The following CDYL variants were observed in gnomAD, a reference collection of about 807,000 sequenced individuals.
The protein encoded by CDYL is chromodomain Y-like protein.
CDYL carries 8 observed loss-of-function variants against 47.3 expected under a neutral mutation model. The ratio of observed to expected loss-of-function variants is 0.17; its 90% CI spans 0.10 to 0.31. The LOEUF (loss-of-function observed/expected upper bound fraction) is 0.31. Among genes scored for constraint, CDYL ranks in the 10% least tolerant of loss-of-function variants. The pLI is 1.00. For synonymous variants in CDYL, 266 were observed against 265.0 expected (o/e 1.00, Z -0.04); for missense variants, 471 against 701.4 (o/e 0.67, Z 3.71).
chr6:4,782,614 T>A (rs915173193), intron 1 of CDYL, among the ~76,000 whole-genome samples: 5 of 152,206 alleles, frequency 3.3e-5, no homozygotes, highest in Non-Finnish European at 5.9e-5. Context: ...TGAGTCTAGA[T>A]ATGACTTTAA....
intron 2 of CDYL, among the ~76,000 whole-genome samples, chr6:4,917,315 G>A (rs1469569080): frequency 1.3e-5 from 2 of 152,074 alleles, no homozygotes; most frequent in African/African-American, 2.4e-5. Flanking sequence ...CCTTGCTTTG[G>A]CCTCTAGAAA....
At chr6:4,895,079 A>G (rs985552844) in intron 2 of CDYL, among the ~76,000 whole-genome samples, 1 of 57,524 alleles carries the variant, frequency 1.7e-5, no homozygotes, top group East Asian at 8.6e-4. Context: ...ATGTATCTAT[A>G]TGCACATATA....
At chr6:4,839,716 A>T (rs1436368764) in intron 1 of CDYL, among the ~76,000 whole-genome samples, 1 of 152,168 alleles carries the variant, frequency 6.6e-6, no homozygotes, top group East Asian at 1.9e-4. Context: ...TTTGTTGAAG[A>T]TCAGTTGGCT....
At chr6:4,876,194 A>G (rs1449563829) in intron 1 of CDYL, among the ~76,000 whole-genome samples, 1 of 152,214 alleles carries the variant, frequency 6.6e-6, no homozygotes, top group African/African-American at 2.4e-5. Flanking sequence ...AAATGGAATC[A>G]TATTACAAAG....
intron 1 of CDYL, among the ~76,000 whole-genome samples, chr6:4,777,977 A>C (rs1369761258): frequency 6.6e-6 from 1 of 152,234 alleles, no homozygotes; most frequent in Admixed American, 6.5e-5. Context: ...GCTGGTACTG[A>C]AAATGTTCCA....
intron 2 of CDYL, among the ~76,000 whole-genome samples, chr6:4,725,596 C>T (rs914416172): frequency 2.7e-4 from 41 of 152,206 alleles, no homozygotes; most frequent in Non-Finnish European, 4.6e-4. Flanking sequence ...CCGGGGCTTG[C>T]GGGCGGACCT....
At chr6:4,829,551 C>T (rs1760076114) in intron 1 of CDYL, among the ~76,000 whole-genome samples, 1 of 152,204 alleles carries the variant, frequency 6.6e-6, no homozygotes, top group African/African-American at 2.4e-5. Context: ...TGGGCTTGTG[C>T]ATGGCTGTCT....
intron 1 of CDYL, among the ~76,000 whole-genome samples, chr6:4,837,978 A>G (rs1760373735): frequency 6.7e-6 from 1 of 150,058 alleles, no homozygotes; most frequent in African/African-American, 2.5e-5. Context: ...GGGTTTTGCC[A>G]TGTTACCCAG....
rs1027986182 is a variant in CDYL at position 4,890,001 on chromosome 6, G to A, written c.25-1712G>A. On this transcript the variant is annotated intron_variant, in intron 1 of 6. Transcript: ENST00000397588. ...GGAACCAGTGGTACATGGTTAAGGA[G>A]GGAGGGGAAACAAAAGCAGTGTGCT... is the stretch of plus-strand genomic sequence containing the variant. 7.1e-6 allele frequency: 7 copies of A among 985,380 alleles called. No homozygotes were observed. In the East Asian group the frequency reaches 7.9e-4, roughly 112 times the overall value. The allele number at this position is 985,380 out of a possible 1,614,324, so 61.0% of individuals were successfully genotyped here.
chr6:4,880,621 C>T (rs1384373004), intron 1 of CDYL, among the ~76,000 whole-genome samples: 2 of 152,198 alleles, frequency 1.3e-5, no homozygotes, highest in Non-Finnish European at 2.9e-5. Flanking sequence ...AACTGTTGTC[C>T]GAAGTGGCTG....
chr6:4,900,779 G>GTGTGTATACA, intron 2 of CDYL, among the ~76,000 whole-genome samples: 2 of 51,706 alleles, frequency 3.9e-5, no homozygotes, highest in African/African-American at 1.3e-4. Context: ...GTATACGTGT[G>GTGTGTATACA]TATATATATA....
At chr6:4,847,329 G>A (rs964611516) in intron 1 of CDYL, among the ~76,000 whole-genome samples, 1 of 152,194 alleles carries the variant, frequency 6.6e-6, no homozygotes, top group African/African-American at 2.4e-5. Context: ...TAGGTCCCCA[G>A]TGTCCTGTTT....
intron 2 of CDYL, among the ~76,000 whole-genome samples, chr6:4,722,732 C>T (rs1187847656): frequency 6.6e-6 from 1 of 152,134 alleles, no homozygotes; most frequent in African/African-American, 2.4e-5. Flanking sequence ...CAAAAATTAG[C>T]TGGATGTGCA....
chr6:4,893,066 T>C (rs1320615619), intron 2 of CDYL, among the ~76,000 whole-genome samples: 1 of 152,246 alleles, frequency 6.6e-6, no homozygotes, highest in East Asian at 1.9e-4. Context: ...TTCTCCTCAC[T>C]TGCCACACTG....
At chr6:4,717,927 C>T (rs1441736978) in intron 2 of CDYL, among the ~76,000 whole-genome samples, 1 of 151,612 alleles carries the variant, frequency 6.6e-6, no homozygotes, top group Non-Finnish European at 1.5e-5. Flanking sequence ...CTCACAAGAG[C>T]CTCAACCCCC....
At chr6:4,825,448 A>G (rs1359190229) in intron 1 of CDYL, among the ~76,000 whole-genome samples, 4 of 152,178 alleles carry the variant, frequency 2.6e-5, no homozygotes, top group Admixed American at 2.6e-4. Context: ...CCAGTTATAC[A>G]CTTCACAATT....
intron 1 of CDYL, among the ~76,000 whole-genome samples, chr6:4,823,764 A>G (rs180932695): frequency 4.6e-5 from 7 of 152,336 alleles, no homozygotes; most frequent in Admixed American, 3.9e-4. Context: ...CATTATAACA[A>G]TTTGAAATGT....
At chr6:4,746,279 A>T (rs1298525695) in intron 3 of CDYL, among the ~76,000 whole-genome samples, 1 of 150,454 alleles carries the variant, frequency 6.6e-6, no homozygotes, top group Non-Finnish European at 1.5e-5. Context: ...CAGGAGAATC[A>T]CTTGAACCCG....
chr6:4,808,999 A>G (rs983738593), intron 1 of CDYL, among the ~76,000 whole-genome samples: 4 of 151,968 alleles, frequency 2.6e-5, no homozygotes, highest in African/African-American at 9.7e-5. Flanking sequence ...CAGGGTATAC[A>G]CTCAGAAAAG....
Sources: gnomAD v4.1 joint callset for allele counts (sites outside exome capture counted in the v4.1 genomes callset) on GRCh38, gnomAD v4.1.1 for gene constraint, MANE v1.5 for transcripts, NCBI Gene and HGNC (gene_info 2026-07-23, HGNC 2026-07-21) for gene names.